NLGN1: variants seen among roughly 807,000 people sequenced by gnomAD.
NLGN1 encodes the protein neuroligin-1.
Under a neutral mutation model 65.5 loss-of-function variants are expected in NLGN1, and 12 were observed. The ratio of observed to expected loss-of-function variants is 0.18; its 90% CI spans 0.12 to 0.30. The LOEUF (loss-of-function observed/expected upper bound fraction) is 0.30, where lower values mean the gene tolerates loss of function less well. Among genes scored for constraint, NLGN1 ranks in the 10% least tolerant of loss-of-function variants. The probability of loss-of-function intolerance (pLI) is 1.00; values close to 1 mark genes in which losing one functional copy is unlikely to be tolerated. For synonymous variants in NLGN1, 350 were observed against 359.5 expected, an observed-to-expected ratio of 0.97 and a Z score of 0.30; for missense variants, 750 against 1,007.1, an observed-to-expected ratio of 0.74 and a Z score of 3.46.
At chr3:173,534,694 G>T (rs988692454) in intron 2 of NLGN1, among the ~76,000 whole-genome samples, 6 of 152,176 alleles carry the variant, frequency 3.9e-5, no homozygotes, top group African/African-American at 9.7e-5. Context: ...ACATAAAGAA[G>T]TGGGAAATTA....
intron 4 of NLGN1, among the ~76,000 whole-genome samples, chr3:174,250,357 C>T (rs1312020232): frequency 1.3e-5 from 2 of 152,126 alleles, no homozygotes; most frequent in African/African-American, 4.8e-5. Flanking sequence ...AGTTCATATT[C>T]TGGAAAGATC....
chr3:173,532,997 T>C (rs1204251538), intron 2 of NLGN1, among the ~76,000 whole-genome samples: 1 of 152,206 alleles, frequency 6.6e-6, no homozygotes, highest in Non-Finnish European at 1.5e-5. Flanking sequence ...CTCCAGCTGA[T>C]TAATTTTGCA....
rs183634010 is a variant in NLGN1 at position 173,539,941 on chromosome 3, A to G, written c.-320-64338A>G. 6.1e-3 allele frequency among the ~76,000 whole-genome samples: 910 copies of G among 148,896 alleles called. 2 individuals carry two copies. The highest frequency in any genetic ancestry group is 0.023 in the South Asian group (108 of 4,724). ...CATACGTGTGTGTGTGTGTGTGTGT[A>G]TATATATCTTAGTGATAGAGTGCTG... On this transcript the variant is annotated intron_variant, in intron 2 of 6. Transcript: ENST00000457714.
chr3:174,217,811 G>A (rs546416958), intron 4 of NLGN1, among the ~76,000 whole-genome samples: 6 of 152,074 alleles, frequency 3.9e-5, no homozygotes, highest in Non-Finnish European at 7.4e-5. Context: ...AAGGCGTAAC[G>A]ACAGACAATC....
At chr3:173,878,153 T>C (rs756105426) in intron 4 of NLGN1, among the ~76,000 whole-genome samples, 1 of 152,116 alleles carries the variant, frequency 6.6e-6, no homozygotes, top group Non-Finnish European at 1.5e-5. Context: ...GCGATTCTCC[T>C]GCCTCAGCCT....
chr3:173,538,485 T>C (rs2149211253), intron 2 of NLGN1, among the ~76,000 whole-genome samples: 1 of 152,274 alleles, frequency 6.6e-6, no homozygotes, highest in Middle Eastern at 3.4e-3. Flanking sequence ...GTAGAAACGT[T>C]ATGCGCAGAG....
chr3:173,747,801 C>CTTCTTCTTTTTTTTTTTTTTTT (rs1775714048), intron 3 of NLGN1, among the ~76,000 whole-genome samples: 2 of 64,422 alleles, frequency 3.1e-5, no homozygotes, highest in African/African-American at 1.2e-4. Context: ...TCTTCTTGTT[C>CTTCTTCTTTTTTTTTTTTTTTT]TTTTTTTTTT....
intron 3 of NLGN1, among the ~76,000 whole-genome samples, chr3:173,672,938 T>C (rs1762644894): frequency 6.6e-6 from 1 of 152,146 alleles, no homozygotes; most frequent in South Asian, 2.1e-4. Flanking sequence ...TTTTTGCTGG[T>C]TTAAGCCTTG....
At chr3:174,164,172 G>A (rs1333169257) in intron 4 of NLGN1, among the ~76,000 whole-genome samples, 3 of 150,878 alleles carry the variant, frequency 2.0e-5, no homozygotes, top group Non-Finnish European at 4.4e-5. Context: ...GTTTTGATTT[G>A]CATTTCTCTG....
At chr3:173,649,033 A>C (rs192806556) in intron 3 of NLGN1, among the ~76,000 whole-genome samples, 2 of 152,362 alleles carry the variant, frequency 1.3e-5, no homozygotes, top group East Asian at 1.9e-4. Flanking sequence ...ATGAACAGAT[A>C]AATTGTGAAA....
chr3:173,904,382 A>AG (rs1199485975), intron 4 of NLGN1, among the ~76,000 whole-genome samples: 1 of 152,146 alleles, frequency 6.6e-6, no homozygotes, highest in African/African-American at 2.4e-5. Flanking sequence ...TCTAGGATCA[A>AG]GGGGTTAGAA....
intron 4 of NLGN1, among the ~76,000 whole-genome samples, chr3:173,818,276 A>G (rs966791160): frequency 1.6e-4 from 25 of 152,202 alleles, no homozygotes; most frequent in Admixed American, 1.4e-3. Context: ...AAACAAATAA[A>G]CAAAACATTA....
chr3:173,918,162 T>C (rs1472766359), intron 4 of NLGN1, among the ~76,000 whole-genome samples: 14 of 152,224 alleles, frequency 9.2e-5, no homozygotes. Flanking sequence ...TACTTATTAA[T>C]ATCTTCCAAA....
intron 3 of NLGN1, among the ~76,000 whole-genome samples, chr3:173,774,004 G>A (rs890985499): frequency 8.5e-5 from 13 of 152,154 alleles, no homozygotes; most frequent in African/African-American, 2.9e-4. Flanking sequence ...ATATGTGTGC[G>A]TGTCTAAGAA....
At chr3:173,887,903 C>G (rs1300644599) in intron 4 of NLGN1, among the ~76,000 whole-genome samples, 1 of 151,946 alleles carries the variant, frequency 6.6e-6, no homozygotes, top group African/African-American at 2.4e-5. Flanking sequence ...CTACTGTCAT[C>G]ACTTAATATG....
intron 3 of NLGN1, among the ~76,000 whole-genome samples, chr3:173,659,245 T>C (rs780296123): frequency 6.6e-6 from 1 of 152,068 alleles, no homozygotes; most frequent in South Asian, 2.1e-4. Flanking sequence ...TTTAGAGGTA[T>C]GCATTCTCAT....
chr3:173,539,326 A>G (rs145526098), intron 2 of NLGN1, among the ~76,000 whole-genome samples: 3 of 150,894 alleles, frequency 2.0e-5, no homozygotes. Context: ...TCACCTCTTT[A>G]TGCAACTCAC....
chr3:173,640,671 G>A lies in NLGN1; in HGVS notation c.493+35580G>A, dbSNP rs116616549. Among the ~76,000 whole-genome samples, 1,020 of 152,146 alleles carry A rather than the reference G, an allele frequency of 6.7e-3. 1 individual carries two copies. Among genetic ancestry groups the A allele is most frequent in the Non-Finnish European group, 0.012 (791 of 67,984 alleles). On this transcript the variant is annotated intron_variant, in intron 3 of 6. Coordinates refer to ENST00000457714, the Ensembl canonical transcript of NLGN1. ...TTCGGTGTTTGAATTTTCCATCCAG[G>A]AGTTAATCAAAATTCATGAACCGTC... is the stretch of plus-strand genomic sequence containing the variant.
chr3:174,056,475 T>C (rs891752066), intron 4 of NLGN1, among the ~76,000 whole-genome samples: 2 of 152,040 alleles, frequency 1.3e-5, no homozygotes, highest in Non-Finnish European at 2.9e-5. Flanking sequence ...TTGTTACTTT[T>C]TTCGCCTAAC....
Sources: gnomAD v4.1 joint callset for allele counts (sites outside exome capture counted in the v4.1 genomes callset) on GRCh38, gnomAD v4.1.1 for gene constraint, MANE v1.5 for transcripts, NCBI Gene and HGNC (gene_info 2026-07-23, HGNC 2026-07-21) for gene names.